TMEM117: variants seen among roughly 807,000 people sequenced by gnomAD.
The protein encoded by TMEM117 is transmembrane protein 117.
In TMEM117, 27 loss-of-function variants were observed where a neutral mutation model predicts 52.4. The ratio of observed to expected loss-of-function variants is 0.51; its 90% CI spans 0.38 to 0.71. The LOEUF is 0.71. Ranked by LOEUF, TMEM117 falls within the 30% of genes least tolerant of loss-of-function variation. The probability of loss-of-function intolerance (pLI) is 0.00; values close to 1 mark genes in which losing one functional copy is unlikely to be tolerated. For synonymous variants in TMEM117, 215 were observed against 206.3 expected (o/e 1.04, Z -0.36); for missense variants, 556 against 630.5 (o/e 0.88, Z 1.26).
At chr12:44,145,050 G>A (rs971671537) in intron 4 of TMEM117, among the ~76,000 whole-genome samples, 7 of 152,104 alleles carry the variant, frequency 4.6e-5, no homozygotes, top group African/African-American at 9.7e-5. Context: ...CCAGCTACTC[G>A]GGAGGCTGAG....
the TMEM117 span, among the ~76,000 whole-genome samples, chr12:43,809,824 C>T: frequency 6.6e-6 from 1 of 152,084 alleles, no homozygotes; most frequent in Non-Finnish European, 1.5e-5. Context: ...TTATTATATG[C>T]ATGTAATTAT....
intron 3 of TMEM117, among the ~76,000 whole-genome samples, chr12:44,077,140 C>T (rs914349057): frequency 2.0e-5 from 3 of 152,116 alleles, no homozygotes; most frequent in Admixed American, 6.6e-5. Flanking sequence ...AGGAACAAAG[C>T]TTTAATATTC....
intron 6 of TMEM117, among the ~76,000 whole-genome samples, chr12:44,341,826 A>G (rs976702354): frequency 6.6e-6 from 1 of 152,160 alleles, no homozygotes; most frequent in African/African-American, 2.4e-5. Flanking sequence ...CATATTAGCC[A>G]TGGGCTCAGA....
chr12:43,845,537 T>TA (rs144827584), intron 2 of TMEM117, among the ~76,000 whole-genome samples: 5,477 of 151,632 alleles, frequency 0.036, 254 homozygotes, highest in African/African-American at 0.097. Flanking sequence ...AAACTTTTTT[T>TA]ATTTTTAAAA....
chr12:44,223,356 C>T (rs1285376914), intron 5 of TMEM117, among the ~76,000 whole-genome samples: 1 of 151,812 alleles, frequency 6.6e-6, no homozygotes, highest in Non-Finnish European at 1.5e-5. Context: ...ATTATCATCC[C>T]AGTGTTTCTG....
intron 3 of TMEM117, among the ~76,000 whole-genome samples, chr12:44,059,973 G>A (rs1352750334): frequency 2.0e-5 from 3 of 152,232 alleles, no homozygotes; most frequent in Non-Finnish European, 2.9e-5. Context: ...CTGCTATAAC[G>A]AAGTTTAGGT....
chr12:43,861,536 AT>A (rs1478256434), intron 2 of TMEM117, among the ~76,000 whole-genome samples: 1 of 152,262 alleles, frequency 6.6e-6, no homozygotes, highest in Admixed American at 6.5e-5. Flanking sequence ...AGGACAGAGA[AT>A]TTGCTTAACA....
Position 44,006,038 on chromosome 12 carries a change from G to C in TMEM117, c.410+61696G>C, listed in dbSNP as rs181163162. ...AGTCTCGAGTATGTCTTTATCAGCA[G>C]CATGAAAACGGACTAATACATAGGG... On this transcript the variant is annotated intron_variant, in intron 3 of 7. Coordinates refer to ENST00000266534, the MANE Select transcript of TMEM117 (RefSeq NM_032256.3). 2.7e-3 allele frequency among the ~76,000 whole-genome samples: 415 copies of C among 152,234 alleles called. 4 individuals carry two copies. Among genetic ancestry groups the C allele is most frequent in the African/African-American group, 9.4e-3 (391 of 41,556 alleles).
intron 4 of TMEM117, among the ~76,000 whole-genome samples, chr12:44,168,633 A>G (rs775014989): frequency 2.6e-5 from 4 of 152,224 alleles, no homozygotes; most frequent in East Asian, 1.9e-4. Flanking sequence ...TGATTTTTTC[A>G]TGTTATTTTC....
At chr12:43,889,125 C>T (rs1944054556) in intron 2 of TMEM117, among the ~76,000 whole-genome samples, 2 of 151,368 alleles carry the variant, frequency 1.3e-5, no homozygotes, top group African/African-American at 4.9e-5. Context: ...TCTTGTCACC[C>T]AAGCTGGAGT....
chr12:44,010,481 C>A (rs1946272478), intron 3 of TMEM117, among the ~76,000 whole-genome samples: 1 of 152,200 alleles, frequency 6.6e-6, no homozygotes, highest in Non-Finnish European at 1.5e-5. Flanking sequence ...CATTCTATCC[C>A]TCCACCTCCC....
At chr12:43,809,274 G>T in the TMEM117 span, among the ~76,000 whole-genome samples, 1 of 152,250 alleles carries the variant, frequency 6.6e-6, no homozygotes, top group Non-Finnish European at 1.5e-5. Flanking sequence ...TCTTTACTTG[G>T]TGAGGTAATT....
intron 6 of TMEM117, among the ~76,000 whole-genome samples, chr12:44,362,590 A>G (rs1489918242): frequency 1.3e-5 from 2 of 151,926 alleles, no homozygotes; most frequent in African/African-American, 2.4e-5. Flanking sequence ...AAAAAAAAAA[A>G]GCAAAGGAAA....
intron 4 of TMEM117, among the ~76,000 whole-genome samples, chr12:44,180,137 G>A (rs59404283): frequency 0.063 from 9,572 of 152,110 alleles, 891 homozygotes; most frequent in African/African-American, 0.21. Context: ...TGTGGCCCCT[G>A]ACTGGGCAGC....
intron 5 of TMEM117, among the ~76,000 whole-genome samples, chr12:44,266,014 G>C (rs1332900373): frequency 6.6e-6 from 1 of 152,080 alleles, no homozygotes; most frequent in South Asian, 2.1e-4. Context: ...AGATATTTGG[G>C]TTGTTTCTAC....
chr12:43,836,928 A>T (rs1279754791), intron 1 of TMEM117, among the ~76,000 whole-genome samples: 1 of 152,138 alleles, frequency 6.6e-6, no homozygotes, highest in Non-Finnish European at 1.5e-5. Context: ...ATTATAAATG[A>T]TGTATTGTCT....
intron 3 of TMEM117, among the ~76,000 whole-genome samples, chr12:44,061,715 A>G (rs552461372): frequency 1.3e-5 from 2 of 152,272 alleles, no homozygotes; most frequent in East Asian, 3.9e-4. Context: ...CAGTCATTCC[A>G]TATGGAGGAG....
chr12:44,187,006 T>C (rs1321254059), intron 4 of TMEM117, among the ~76,000 whole-genome samples: 1 of 152,088 alleles, frequency 6.6e-6, no homozygotes, highest in African/African-American at 2.4e-5. Context: ...AACCTGGGAG[T>C]ATGTATAAAA....
At chr12:44,011,659 T>TATACATAC (rs113611924) in intron 3 of TMEM117, among the ~76,000 whole-genome samples, 28,131 of 151,638 alleles carry the variant, frequency 0.19, 4,005 homozygotes, top group African/African-American at 0.4. Flanking sequence ...TATTCCTTAC[T>TATACATAC]ATACATACAT....
Sources: allele counts gnomAD v4.1 joint callset (sites outside exome capture counted in the v4.1 genomes callset), GRCh38; gene constraint gnomAD v4.1.1; transcripts MANE v1.5; gene names NCBI Gene and HGNC (gene_info 2026-07-23, HGNC 2026-07-21).